The following NUP62CL variants were observed in gnomAD, a reference collection of about 807,000 sequenced individuals.
NUP62CL encodes the protein nucleoporin-62 C-terminal-like protein.
NUP62CL carries 13 observed loss-of-function variants against 15.3 expected under a neutral mutation model. The observed-to-expected ratio is 0.85, with a 90% CI of 0.55 to 1.35. The LOEUF is 1.35. Among genes scored for constraint, NUP62CL ranks in the 40% most tolerant of loss-of-function variants. NUP62CL has a pLI of 0.00. For missense variants in NUP62CL, 123 were observed against 130.6 expected (o/e 0.94, Z 0.28); for synonymous variants, 54 against 49.2 (o/e 1.10, Z -0.41).
chrX:107,179,818 G>A (rs886841376), intron 2 of NUP62CL, among the ~76,000 whole-genome samples: 5 of 111,990 alleles, frequency 4.5e-5, no homozygotes, highest in African/African-American at 1.6e-4. Context: ...TAGAAATTGA[G>A]ACAATTTATA....
chrX:107,138,811 G>A (rs1035523404), intron 8 of NUP62CL, among the ~76,000 whole-genome samples: 1 of 111,956 alleles, frequency 8.9e-6, no homozygotes, highest in South Asian at 3.7e-4. Flanking sequence ...ATCTATCCCA[G>A]AGAAATGAAA....
intron 2 of NUP62CL, among the ~76,000 whole-genome samples, chrX:107,192,653 T>C (rs1927270774): frequency 8.9e-6 from 1 of 112,203 alleles, no homozygotes; most frequent in Admixed American, 9.4e-5. Flanking sequence ...AGTGCTGGGA[T>C]TACAAGCGCG....
chrX:107,137,487 T>C (rs976172395), intron 8 of NUP62CL, among the ~76,000 whole-genome samples: 15 of 111,430 alleles, frequency 1.3e-4, no homozygotes, highest in African/African-American at 4.9e-4. Context: ...ATAAGGAAAA[T>C]TCCGAGGAAT....
chrX:107,157,252 C>T (rs1362380715), intron 4 of NUP62CL, among the ~76,000 whole-genome samples: 3 of 105,511 alleles, frequency 2.8e-5, no homozygotes, highest in East Asian at 3.0e-4. Flanking sequence ...GGCAGGCCAA[C>T]GTTCAGATTC....
chrX:107,125,427 T>C (rs1213221408), intron 8 of NUP62CL, among the ~76,000 whole-genome samples: 2 of 110,704 alleles, frequency 1.8e-5, no homozygotes, highest in Admixed American at 9.6e-5. Flanking sequence ...AAACCCTTCA[T>C]TGTTGAAGGG....
chrX:107,137,509 A>G (rs1925669270), intron 8 of NUP62CL, among the ~76,000 whole-genome samples: 1 of 112,013 alleles, frequency 8.9e-6, no homozygotes, highest in Non-Finnish European at 1.9e-5. Context: ...CACACAAAAA[A>G]ACCGCCTAGA....
At chrX:107,175,526 A>C (rs1057244156) in intron 2 of NUP62CL, among the ~76,000 whole-genome samples, 1 of 112,044 alleles carries the variant, frequency 8.9e-6, no homozygotes, top group Non-Finnish European at 1.9e-5. Flanking sequence ...ACCAGCAAAA[A>C]GTTCCAGCAA....
rs1312893324 is a variant in NUP62CL at position 107,154,854 on chromosome X, C to T, written c.195-608G>A. On this transcript the variant is annotated intron_variant, in intron 4 of 8. Transcript: ENST00000372466. ...ATTCCCTAAGTGGAAGACACAGGCACGATTCCAATTCCTCCACCAGGGTTC... is the reference window on the plus strand; with the variant it reads ...ATTCCCTAAGTGGAAGACACAGGCATGATTCCAATTCCTCCACCAGGGTTC... 4.5e-5 allele frequency among the ~76,000 whole-genome samples: 5 copies of T among 111,740 alleles called. No individual in the cohort carries two copies. The East Asian group carries it at 1.1e-3, about 25-fold the overall frequency.
intron 1 of NUP62CL, among the ~76,000 whole-genome samples, chrX:107,204,721 TTTATTTAAATAAATTTTAAATAAA>T (rs1569368991): frequency 3.5e-5 from 3 of 85,524 alleles, no homozygotes; most frequent in South Asian, 4.7e-4. Context: ...AAATAAATTA[TTTATTTAAATAAATTTTAAATAAA>T]TTATTTAAAT....
intron 4 of NUP62CL, among the ~76,000 whole-genome samples, chrX:107,160,599 T>C (rs1926338977): frequency 9.0e-6 from 1 of 111,319 alleles, no homozygotes; most frequent in Non-Finnish European, 1.9e-5. Context: ...TGAAACCGGA[T>C]CCCTTCCTTA....
intron 3 of NUP62CL, among the ~76,000 whole-genome samples, chrX:107,170,151 A>C (rs1926613146): frequency 9.2e-6 from 1 of 108,297 alleles, no homozygotes; most frequent in Admixed American, 9.8e-5. Context: ...AAAATAAAAG[A>C]AAAAGAAAAA....
intron 3 of NUP62CL, among the ~76,000 whole-genome samples, chrX:107,168,511 T>G (rs1444403342): frequency 8.9e-6 from 1 of 111,985 alleles, no homozygotes; most frequent in Non-Finnish European, 1.9e-5. Context: ...ACTCAAATTC[T>G]TTGTTCCCCA....
intron 8 of NUP62CL, among the ~76,000 whole-genome samples, chrX:107,139,466 C>T (rs1305474455): frequency 8.9e-6 from 1 of 111,814 alleles, no homozygotes; most frequent in Non-Finnish European, 1.9e-5. Flanking sequence ...TATTCTACAA[C>T]TACCTCAATA....
At chrX:107,142,899 G>A (rs1258017799) in intron 8 of NUP62CL, among the ~76,000 whole-genome samples, 2 of 111,881 alleles carry the variant, frequency 1.8e-5, no homozygotes, top group Admixed American at 9.5e-5. Flanking sequence ...AGAATAACAA[G>A]AGGGGAAACT....
intron 7 of NUP62CL, among the ~76,000 whole-genome samples, chrX:107,148,040 A>G (rs998882726): frequency 2.7e-5 from 3 of 111,342 alleles, no homozygotes; most frequent in Non-Finnish European, 5.7e-5. Context: ...GATACCTACA[A>G]TTCAATAAGA....
rs778670339 is a variant in NUP62CL, at chrX:107,152,049, GATATATATATAT to G, written c.530+1111_530+1122del. On this transcript the variant is annotated intron_variant, in intron 7 of 8. Transcript: ENST00000372466. ...CATCTTGAATATATATATATATTCA[GATATATATATAT>G]ATATATATATATATTCAGATATATA... 1.4e-3 allele frequency among the ~76,000 whole-genome samples: 56 copies of G among 41,124 alleles called. 4 individuals carry two copies. Among genetic ancestry groups the G allele is most frequent in the South Asian group, 1.2e-3 (1 of 838 alleles). The allele number at this position is 41,124 out of a possible 115,157, so 35.7% of individuals were successfully genotyped here.
intron 3 of NUP62CL, among the ~76,000 whole-genome samples, chrX:107,171,462 G>T (rs1479646322): frequency 9.0e-6 from 1 of 111,726 alleles, no homozygotes; most frequent in East Asian, 2.8e-4. Context: ...ACATGGCTGG[G>T]GAGGCCTCAA....
At chrX:107,198,534 C>T (rs1027642103) in intron 1 of NUP62CL, among the ~76,000 whole-genome samples, 1 of 112,008 alleles carries the variant, frequency 8.9e-6, no homozygotes, top group Non-Finnish European at 1.9e-5. Flanking sequence ...TGCAGCTTCA[C>T]TCCTGAAGCC....
At chrX:107,192,784 C>T (rs1008613888) in intron 2 of NUP62CL, among the ~76,000 whole-genome samples, 1 of 112,041 alleles carries the variant, frequency 8.9e-6, no homozygotes, top group African/African-American at 3.2e-5. Context: ...CTGTATTGCT[C>T]TTACTCTAAG....
Sources: allele counts gnomAD v4.1 joint callset (sites outside exome capture counted in the v4.1 genomes callset), GRCh38; gene constraint gnomAD v4.1.1; transcripts MANE v1.5; gene names NCBI Gene and HGNC (gene_info 2026-07-23, HGNC 2026-07-21).